Variants in PCDHGB6 observed in about 807,000 individuals in gnomAD.
PCDHGB6 encodes the protein protocadherin gamma-B6.
PCDHGB6 carries 51 observed loss-of-function variants against 59.1 expected under a neutral mutation model. The observed-to-expected ratio is 0.86, with a 90% CI of 0.69 to 1.09. The LOEUF (loss-of-function observed/expected upper bound fraction) is 1.09. Ranked by LOEUF, PCDHGB6 falls within the 50% of genes least tolerant of loss-of-function variation. PCDHGB6 has a pLI of 0.00. For synonymous variants in PCDHGB6, 466 were observed against 495.1 expected, an observed-to-expected ratio of 0.94 and a Z score of 0.78; for missense variants, 1,148 against 1,205.1, an observed-to-expected ratio of 0.95 and a Z score of 0.70.
At chr5:141,498,971 G>GGGAGGGAAGGAAGGAAGGAAGGAA (rs2099787588) in intron 2 of PCDHGB6, among the ~76,000 whole-genome samples, 6 of 110,972 alleles carry the variant, frequency 5.4e-5, no homozygotes, top group Admixed American at 5.3e-4. Flanking sequence ...GAGGGAGGGA[G>GGGAGGGAAGGAAGGAAGGAAGGAA]GGAAGGAAGG....
At position 141,438,611 on chromosome 5, in the gene PCDHGB6, TATATATATATATATATATATATATACAC is replaced by T. The variant is rs1434670383; in HGVS notation, c.2418+27993_2418+28020del. On this transcript the variant is annotated intron_variant, in intron 1 of 3. Transcript: ENST00000520790. ...ACATACATATATATATATATATATA[TATATATATATATATATATATATATACAC>T]ACACACACACACATATATGTATATA... Among the ~76,000 whole-genome samples the T allele has an allele frequency of 2.7e-3, 107 of 39,370 alleles. 2 individuals are homozygous for T. Among genetic ancestry groups the T allele is most frequent in the Admixed American group, 0.019 (57 of 3,044 alleles). The allele number at this position is 39,370 out of a possible 152,430, so 25.8% of individuals were successfully genotyped here.
At chr5:141,500,369 C>T (rs1034629981) in intron 2 of PCDHGB6, among the ~76,000 whole-genome samples, 4 of 151,866 alleles carry the variant, frequency 2.6e-5, no homozygotes, top group Admixed American at 6.6e-5. Flanking sequence ...CTACCACGCC[C>T]GGCTAATTAT....
rs773174763 is a variant in PCDHGB6 at position 141,477,409 on chromosome 5, C to T, written c.2419-17398C>T. The T allele has an allele frequency of 1.4e-5, 22 of 1,614,058 alleles. No homozygotes were observed. The highest frequency in any genetic ancestry group is 1.7e-5 in the Admixed American group (1 of 60,006). On this transcript the variant is annotated intron_variant, in intron 1 of 3. Transcript: ENST00000520790. This position sits in a 1 kb window ranked among gnomAD's most constrained non-coding sequence, Gnocchi z 4.9. ...ACAACCTCAGCATCACCGCCCGAGA[C>T]GCCGGAACCCCTTCCCTCTCAGCCC...
intron 2 of PCDHGB6, among the ~76,000 whole-genome samples, chr5:141,500,906 G>C (rs1333707004): frequency 6.7e-6 from 1 of 149,672 alleles, no homozygotes; most frequent in African/African-American, 2.5e-5. Flanking sequence ...GTCTCGCTCT[G>C]TCTCCAGGCT....
At chr5:141,450,225 C>A (rs1294362576) in intron 1 of PCDHGB6, among the ~76,000 whole-genome samples, 1 of 151,976 alleles carries the variant, frequency 6.6e-6, no homozygotes, top group Non-Finnish European at 1.5e-5. Flanking sequence ...ACTATGTTGG[C>A]CAGGCTAGTC....
At chr5:141,496,509 C>A (rs955577717) in intron 2 of PCDHGB6, among the ~76,000 whole-genome samples, 3 of 152,168 alleles carry the variant, frequency 2.0e-5, no homozygotes, top group Non-Finnish European at 4.4e-5. Context: ...GCCACAAGGA[C>A]CCAGGAGCCC....
chr5:141,476,049 C>T lies in PCDHGB6; in HGVS notation c.2419-18758C>T. 2.0e-6 allele frequency: 3 copies of T among 1,501,848 alleles called. No homozygotes were observed. The South Asian group carries it at 4.0e-5, about 20-fold the overall frequency. 93.0% of individuals were successfully genotyped at this position (1,501,848 alleles called of 1,614,324 possible). ...CGCCCAGCGCCCAAGCGCTAACCCG[C>T]TGAAAGTTTCTCAGCGAAATCTCAG... On this transcript the variant is annotated intron_variant, in intron 1 of 3. Coordinates refer to ENST00000520790, the MANE Select transcript of PCDHGB6 (RefSeq NM_018926.3). This position sits in a 1 kb window ranked among gnomAD's most constrained non-coding sequence, Gnocchi z 7.6.
intron 1 of PCDHGB6, among the ~76,000 whole-genome samples, chr5:141,459,721 T>C (rs2098973915): frequency 6.6e-6 from 1 of 152,246 alleles, no homozygotes. Context: ...CAATGCTTCC[T>C]ATTGTCAATT....
At chr5:141,415,002 C>T in intron 1 of PCDHGB6, 2 of 1,613,668 alleles carry the variant, frequency 1.2e-6, no homozygotes, top group East Asian at 2.2e-5. Flanking sequence ...CCTGGCTGTC[C>T]TACCGTCTGC....
chr5:141,505,891 G>A (rs541853565), intron 3 of PCDHGB6, among the ~76,000 whole-genome samples: 9 of 152,288 alleles, frequency 5.9e-5, no homozygotes, highest in Admixed American at 5.9e-4. Context: ...GATTAAATGA[G>A]ATGATACCAC....
In PCDHGB6 at chr5:141,485,318, G is replaced by A. The variant is rs1318256454; in HGVS notation, c.2419-9489G>A. On this transcript the variant is annotated intron_variant, in intron 1 of 3. Transcript: ENST00000520790. The surrounding 1 kb of genome is among the most constrained non-coding windows in gnomAD (Gnocchi z 5.7). ...GGAAGGGACTTTTGTAGGGAATGTC[G>A]CTCAAGATTTCCTGCTGGATACGGA... 3 of 1,614,142 alleles carry A rather than the reference G, an allele frequency of 1.9e-6. No homozygotes were observed. The highest frequency in any genetic ancestry group is 2.5e-6 in the Non-Finnish European group (3 of 1,180,006).
intron 3 of PCDHGB6, among the ~76,000 whole-genome samples, chr5:141,510,203 G>A (rs1164886289): frequency 6.6e-6 from 1 of 151,680 alleles, no homozygotes; most frequent in Non-Finnish European, 1.5e-5. Flanking sequence ...AGCCCAGGAG[G>A]CAGAGGTTGC....
In PCDHGB6 at chr5:141,409,236, C is replaced by T. The variant is rs1305954301; in HGVS notation, c.1034C>T (p.Pro345Leu). Residue 345 changes from proline to leucine, a missense_variant, in exon 1 of 4, where the codon CCA (proline) becomes CTA (leucine). Transcript: ENST00000520790. ...ATCCTTGATGAAAACGACAACAGCC[C>T]AGAAATAATCATCACTTCTCTCTCT... ...IEILDENDNS[P>L]EIIITSLSDQ... 2 of 1,613,866 alleles carry T rather than the reference C, an allele frequency of 1.2e-6. No individual in the cohort carries two copies. Among genetic ancestry groups the T allele is most frequent in the Non-Finnish European group, 8.5e-7 (1 of 1,179,888 alleles).
Position 141,490,413 on chromosome 5 carries a change from G to A in PCDHGB6, c.2419-4394G>A, listed in dbSNP as rs2233606. On this transcript the variant is annotated intron_variant, in intron 1 of 3. Transcript: ENST00000520790. The surrounding 1 kb of genome is among the most constrained non-coding windows in gnomAD (Gnocchi z 5.4). ...GTGAAGTGAGCCTTGATATCTCTCC[G>A]GACCTGCCATTTCAGATTAAGCCTT... 2.3e-3 allele frequency: 3,787 copies of A among 1,614,128 alleles called. 38 individuals are homozygous for A. In the African/African-American group the frequency reaches 0.027, roughly 12 times the overall value.
At chr5:141,433,847 A>AAAAAAAC (rs1296633381) in intron 1 of PCDHGB6, among the ~76,000 whole-genome samples, 1 of 151,976 alleles carries the variant, frequency 6.6e-6, no homozygotes, top group Non-Finnish European at 1.5e-5. Flanking sequence ...CAAAAAAAAA[A>AAAAAAAC]AAAAAAAACT....
intron 1 of PCDHGB6, chr5:141,413,170 A>T (rs751830095): frequency 6.3e-7 from 1 of 1,595,602 alleles, no homozygotes; most frequent in South Asian, 1.1e-5. Context: ...CTGTAACCAG[A>T]CTACAATGGC....
rs564439931 is a variant in PCDHGB6 at position 141,490,480 on chromosome 5, C to T, written c.2419-4327C>T. On this transcript the variant is annotated intron_variant, in intron 1 of 3. Coordinates refer to ENST00000520790, the MANE Select transcript of PCDHGB6 (RefSeq NM_018926.3). The surrounding 1 kb of genome is among the most constrained non-coding windows in gnomAD (Gnocchi z 5.4). ...GCTGCTAACCAGCCAGCCTTTGGAC[C>T]GGGAGGCCACATCCCACTATATCAT... The T allele has an allele frequency of 3.5e-5, 56 of 1,614,194 alleles. No individual in the cohort carries two copies. Among genetic ancestry groups the T allele is most frequent in the Admixed American group, 1.5e-4 (9 of 60,022 alleles).
intron 1 of PCDHGB6, among the ~76,000 whole-genome samples, chr5:141,484,084 T>A (rs1030166144): frequency 3.3e-5 from 5 of 152,174 alleles, no homozygotes; most frequent in African/African-American, 4.8e-5. Flanking sequence ...TCTTTTGAAA[T>A]GGTCTTCGTT....
At chr5:141,461,190 T>C (rs2099010725) in intron 1 of PCDHGB6, among the ~76,000 whole-genome samples, 1 of 152,142 alleles carries the variant, frequency 6.6e-6, no homozygotes, top group Non-Finnish European at 1.5e-5. Context: ...TAGATCTGTT[T>C]TTTGCTCTTT....
Sources: allele counts gnomAD v4.1 joint callset (sites outside exome capture counted in the v4.1 genomes callset), GRCh38; gene constraint gnomAD v4.1.1; non-coding constraint Gnocchi (gnomAD v3.1); transcripts MANE v1.5; gene names NCBI Gene and HGNC (gene_info 2026-07-23, HGNC 2026-07-21).